UBXN2B: variants seen among roughly 807,000 people sequenced by gnomAD.
UBXN2B encodes UBX domain-containing protein 2B.
Under a neutral mutation model 37.5 loss-of-function variants are expected in UBXN2B, and 19 were observed. The ratio of observed to expected loss-of-function variants is 0.51; its 90% CI spans 0.35 to 0.74. The LOEUF is 0.74. Among genes scored for constraint, UBXN2B ranks in the 30% least tolerant of loss-of-function variants. The pLI, the probability that UBXN2B is intolerant of heterozygous loss-of-function variation, is 0.01. For synonymous variants in UBXN2B, 145 were observed against 143.8 expected (o/e 1.01, Z -0.06); for missense variants, 370 against 393.2 (o/e 0.94, Z 0.50).
At chr8:58,439,014 A>T (rs780284235) in intron 5 of UBXN2B, among the ~76,000 whole-genome samples, 8 of 152,088 alleles carry the variant, frequency 5.3e-5, no homozygotes, top group Non-Finnish European at 1.2e-4. Context: ...AATAGCCTGG[A>T]ACCTCCCATC....
chr8:58,428,518 A>G (rs1808163001), intron 2 of UBXN2B, among the ~76,000 whole-genome samples: 1 of 152,154 alleles, frequency 6.6e-6, no homozygotes, highest in Non-Finnish European at 1.5e-5. Flanking sequence ...CATTCCTAGA[A>G]TTTTGTCCCT....
At chr8:58,423,108 TCA>T (rs758725527) in intron 2 of UBXN2B, among the ~76,000 whole-genome samples, 8 of 151,630 alleles carry the variant, frequency 5.3e-5, no homozygotes, top group South Asian at 2.1e-4. Flanking sequence ...ATCATCATCA[TCA>T]TCATCATCAT....
rs763630701 is a variant in UBXN2B, at chr8:58,430,663, A to G, written c.333A>G (p.Lys111=). The G allele has an allele frequency of 5.8e-6, 9 of 1,548,940 alleles. No individual in the cohort carries two copies. Among genetic ancestry groups the G allele is most frequent in the Non-Finnish European group, 7.8e-6 (9 of 1,147,436 alleles). Residue 111 remains lysine (K), a synonymous_variant, in exon 3 of 8, where the codon AAA becomes AAG. Coordinates refer to ENST00000399598, the MANE Select transcript of UBXN2B (RefSeq NM_001077619.2). ...NEATRASGDD[K]SKSFTGGGYR... ...CCACAAGAGCTTCAGGTGATGATAA[A>G]TCTAAGGTCAGTGCTCAATTTTAAA...
chr8:58,447,414 G>T lies in UBXN2B; in HGVS notation c.859G>T (p.Val287Leu), dbSNP rs371346170. The part of the protein sequence containing the change: ...HRILDVRNFI[V>L]QSRPEFAALD... ...GATCCTGGATGTCCGGAACTTTATT[G>T]TACAGTCTCGTCCTGAATTTGCGGC... The change falls in exon 8 of 8, where the codon GTA becomes TTA. Residue 287 changes from valine to leucine, a missense_variant. Physicochemically the swap from Val to Leu is conservative, Grantham distance 32. Transcript: ENST00000399598. 120 of 1,608,816 alleles carry T rather than the reference G, an allele frequency of 7.5e-5. 1 individual carries two copies. The African/African-American group carries it at 1.3e-3, about 18-fold the overall frequency.
At chr8:58,433,110 T>G in intron 3 of UBXN2B, 50 bp from the exon 4 acceptor site, 1 of 1,418,430 alleles carries the variant, frequency 7.1e-7, no homozygotes, top group Non-Finnish European at 9.9e-7. Flanking sequence ...ATAATAACTT[T>G]TTGCTGAATA....
chr8:58,419,465 A>G (rs1807869191), intron 2 of UBXN2B, among the ~76,000 whole-genome samples: 1 of 152,210 alleles, frequency 6.6e-6, no homozygotes, highest in Admixed American at 6.5e-5. Flanking sequence ...TTTAATTTAC[A>G]AGAGGAGTTA....
intron 3 of UBXN2B, among the ~76,000 whole-genome samples, chr8:58,432,607 C>T (rs956286088): frequency 6.6e-6 from 1 of 152,090 alleles, no homozygotes; most frequent in Non-Finnish European, 1.5e-5. Flanking sequence ...TGGTCTCGAT[C>T]TCCTGACCTC....
intron 2 of UBXN2B, among the ~76,000 whole-genome samples, chr8:58,428,830 A>G (rs575560786): frequency 6.6e-6 from 1 of 152,360 alleles, no homozygotes; most frequent in East Asian, 1.9e-4. Context: ...CAAGAATCAT[A>G]GGCAACTTGA....
chr8:58,450,676 T>C lies in UBXN2B; in HGVS notation c.*3125T>C, dbSNP rs974699921. On this transcript the variant is annotated 3_prime_UTR_variant, in exon 8 of 8. Coordinates refer to ENST00000399598, the MANE Select transcript of UBXN2B (RefSeq NM_001077619.2). The stretch of plus-strand genomic sequence containing the variant: ...AATTCCAGAGCCACTTTTCTACTTT[T>C]AGGTATTTGTTACAGCAGCACCTCA... 2 of 152,342 alleles carry C rather than the reference T, an allele frequency of 1.3e-5. No homozygotes were observed. Among genetic ancestry groups the C allele is most frequent in the South Asian group, 2.1e-4 (1 of 4,816 alleles). 9.4% of individuals were successfully genotyped at this position (152,342 alleles called of 1,614,324 possible).
At chr8:58,420,978 C>T (rs11995825) in intron 2 of UBXN2B, among the ~76,000 whole-genome samples, 30,705 of 152,168 alleles carry the variant, frequency 0.2, 3,291 homozygotes, top group Middle Eastern at 0.28. Flanking sequence ...CAACAACATA[C>T]AGAAAATAAA....
intron 2 of UBXN2B, among the ~76,000 whole-genome samples, chr8:58,429,620 A>G (rs1402620499): frequency 6.6e-6 from 1 of 151,512 alleles, no homozygotes; most frequent in Non-Finnish European, 1.5e-5. Context: ...TATCTTACTC[A>G]GTTTTGCATA....
chr8:58,431,684 T>C (rs759298879), intron 3 of UBXN2B, among the ~76,000 whole-genome samples: 2 of 152,218 alleles, frequency 1.3e-5, no homozygotes, highest in Non-Finnish European at 2.9e-5. Flanking sequence ...TTCCCACATA[T>C]ATGAGAGAGC....
Position 58,434,920 on chromosome 8 carries a change from G to A in UBXN2B, c.533+416G>A, listed in dbSNP as rs573176706. The A allele has an allele frequency of 1.0e-4, 154 of 1,535,510 alleles. 6 individuals are homozygous for A. The South Asian group carries it at 1.7e-3, about 16-fold the overall frequency. On this transcript the variant is annotated intron_variant, in intron 5 of 7. Coordinates refer to ENST00000399598, the MANE Select transcript of UBXN2B (RefSeq NM_001077619.2). Reference sequence around the variant, plus strand: ...CTTATGTTAGAAATCTTTTAATGTGGCATTACTGCTGGCAGAAGATTTCAA... The same window carrying A: ...CTTATGTTAGAAATCTTTTAATGTGACATTACTGCTGGCAGAAGATTTCAA...
At chr8:58,432,375 C>CTTTTTTTTTTT (rs34018318) in intron 3 of UBXN2B, among the ~76,000 whole-genome samples, 16 of 81,520 alleles carry the variant, frequency 2.0e-4, no homozygotes, top group Admixed American at 3.9e-4. Context: ...TTCTAAATTT[C>CTTTTTTTTTTT]TTTTTTTTTT....
In UBXN2B at chr8:58,434,501, G is replaced by A; in HGVS notation, c.530G>A (p.Arg177Lys). Residue 177 changes from arginine to lysine, a missense_variant, in exon 5 of 8, where the codon AGA (arginine) becomes AAA (lysine). Physicochemically the swap from Arg to Lys is conservative, Grantham distance 26 (BLOSUM62 2). Coordinates refer to ENST00000399598, the MANE Select transcript of UBXN2B (RefSeq NM_001077619.2). The part of the protein sequence containing the change: ...TNAQFLESVK[R>K]GEIPLELQRL... ...GCTCAATTTCTGGAGTCTGTTAAGA[G>A]AGGGTAAGATGTATTATTTGTATTC... is the stretch of plus-strand genomic sequence containing the variant. 1 of 1,541,700 alleles carries A rather than the reference G, an allele frequency of 6.5e-7. No individual in the cohort carries two copies. The highest frequency in any genetic ancestry group is 1.4e-5 in the African/African-American group (1 of 72,022).
At chr8:58,431,478 G>A (rs145769698) in intron 3 of UBXN2B, among the ~76,000 whole-genome samples, 435 of 152,246 alleles carry the variant, frequency 2.9e-3, no homozygotes, top group African/African-American at 9.5e-3. Context: ...TTTATTGAGG[G>A]ATATTTTAGT....
chr8:58,411,892 C>T (rs1807648754), intron 1 of UBXN2B, among the ~76,000 whole-genome samples: 1 of 152,120 alleles, frequency 6.6e-6, no homozygotes, highest in African/African-American at 2.4e-5. Flanking sequence ...TTCTGACTTG[C>T]TTACTTAAAT....
Position 58,434,249 on chromosome 8 carries a change from T to C in UBXN2B, c.424-146T>C, listed in dbSNP as rs1038992697. ...GTCTTTCACTATGAATAAAGAATAG[T>C]AGAAATAACTCCCTATTTTAAATTA... On this transcript the variant is annotated intron_variant, in intron 4 of 7. Transcript: ENST00000399598. The C allele has an allele frequency of 1.7e-5, 4 of 235,106 alleles. No homozygotes were observed. The South Asian group carries it at 5.3e-4, about 31-fold the overall frequency. The allele number at this position is 235,106 out of a possible 1,614,324, so 14.6% of individuals were successfully genotyped here. A position where few individuals can be genotyped will look rare whatever the true frequency, so the allele number is the denominator to read the frequency against.
chr8:58,420,949 A>G (rs894112001), intron 2 of UBXN2B, among the ~76,000 whole-genome samples: 4 of 152,212 alleles, frequency 2.6e-5, no homozygotes, highest in African/African-American at 9.7e-5. Context: ...TGCTTGCTAT[A>G]TGTAAAACTT....
Sources: gnomAD v4.1 joint callset for allele counts (sites outside exome capture counted in the v4.1 genomes callset) on GRCh38, gnomAD v4.1.1 for gene constraint, MANE v1.5 for transcripts, NCBI Gene and HGNC (gene_info 2026-07-23, HGNC 2026-07-21) for gene names.